The following MTUS2 variants were observed in gnomAD, a reference collection of about 807,000 sequenced individuals.
MTUS2 encodes microtubule-associated tumor suppressor candidate 2.
A neutral mutation model predicts 114.1 loss-of-function variants in MTUS2; 40 were observed. The observed-to-expected ratio is 0.35, with a 90% CI of 0.27 to 0.46. The LOEUF (loss-of-function observed/expected upper bound fraction) is 0.46, where lower values mean the gene tolerates loss of function less well. MTUS2 is among the 20% of genes least tolerant of loss of function. The pLI is 1.00. For missense variants in MTUS2, 1,679 were observed against 1,705.4 expected (o/e 0.98, Z 0.27); for synonymous variants, 688 against 672.0 (o/e 1.02, Z -0.37).
chr13:29,199,591 C>A (rs986261089), intron 5 of MTUS2, among the ~76,000 whole-genome samples: 1 of 152,080 alleles, frequency 6.6e-6, no homozygotes, highest in African/African-American at 2.4e-5. Context: ...GTTCAGTTTG[C>A]CAGTATTTTA....
At chr13:29,136,740 T>C (rs1197847381) in intron 5 of MTUS2, among the ~76,000 whole-genome samples, 1 of 152,182 alleles carries the variant, frequency 6.6e-6, no homozygotes, top group Non-Finnish European at 1.5e-5. Flanking sequence ...GCTATTCATA[T>C]GTATTTTTTG....
chr13:29,060,656 C>T (rs1267015285), intron 4 of MTUS2, among the ~76,000 whole-genome samples: 5 of 150,846 alleles, frequency 3.3e-5, no homozygotes, highest in Non-Finnish European at 7.4e-5. Context: ...TCTAATCCTC[C>T]AATTTCTGCC....
chr13:29,199,199 A>G (rs981110837), intron 5 of MTUS2, among the ~76,000 whole-genome samples: 3 of 152,102 alleles, frequency 2.0e-5, no homozygotes, highest in African/African-American at 7.2e-5. Flanking sequence ...ACTATACTAC[A>G]AGGCTGCAGT....
chr13:29,047,256 G>C (rs946142292), intron 4 of MTUS2, among the ~76,000 whole-genome samples: 1 of 152,148 alleles, frequency 6.6e-6, no homozygotes, highest in African/African-American at 2.4e-5. Context: ...TACCCATGCT[G>C]CAGGGTTATG....
At chr13:29,178,411 T>G (rs76278067) in intron 5 of MTUS2, among the ~76,000 whole-genome samples, 1 of 152,150 alleles carries the variant, frequency 6.6e-6, no homozygotes, top group Non-Finnish European at 1.5e-5. Context: ...CTCGGAGATA[T>G]TCTATGAATT....
chr13:28,905,538 TTA>T (rs1244297404), intron 2 of MTUS2, among the ~76,000 whole-genome samples: 5 of 149,110 alleles, frequency 3.4e-5, no homozygotes, highest in African/African-American at 1.2e-4. Context: ...TTGGTTCTGT[TTA>T]TATGCTGGAT....
intron 2 of MTUS2, among the ~76,000 whole-genome samples, chr13:28,852,483 GGGAGGC>G (rs1876342918): frequency 6.6e-6 from 1 of 152,164 alleles, no homozygotes; most frequent in Non-Finnish European, 1.5e-5. Context: ...TTTGTGAAAA[GGGAGGC>G]TAATGGTCTT....
intron 2 of MTUS2, among the ~76,000 whole-genome samples, chr13:28,991,167 T>A (rs1186775794): frequency 2.4e-4 from 37 of 152,194 alleles, no homozygotes; most frequent in Admixed American, 2.4e-3. Context: ...TTTAAGAATT[T>A]TTGCTCATTT....
intron 7 of MTUS2, among the ~76,000 whole-genome samples, chr13:29,338,862 A>C (rs1382322914): frequency 6.6e-6 from 1 of 152,210 alleles, no homozygotes; most frequent in East Asian, 1.9e-4. Flanking sequence ...GTGGGTGGGC[A>C]GGGGAAAGGT....
At chr13:29,244,577 G>A (rs572836007) in intron 5 of MTUS2, among the ~76,000 whole-genome samples, 56 of 152,242 alleles carry the variant, frequency 3.7e-4, no homozygotes, top group African/African-American at 1.2e-3. Context: ...CATGGTTGGC[G>A]CATGCTATTG....
intron 9 of MTUS2, among the ~76,000 whole-genome samples, chr13:29,467,155 G>A (rs1879948897): frequency 1.3e-5 from 2 of 152,066 alleles, no homozygotes; most frequent in Admixed American, 6.6e-5. Flanking sequence ...ATTGGGTCAC[G>A]GGAGTTCATT....
At chr13:29,409,906 A>G (rs1189170713) in intron 8 of MTUS2, among the ~76,000 whole-genome samples, 1 of 151,908 alleles carries the variant, frequency 6.6e-6, no homozygotes, top group Non-Finnish European at 1.5e-5. Context: ...ATATTTTGCA[A>G]TTACAAATGC....
At chr13:29,271,047 CTCT>C (rs1294569568) in intron 5 of MTUS2, among the ~76,000 whole-genome samples, 4 of 152,198 alleles carry the variant, frequency 2.6e-5, no homozygotes, top group Admixed American at 6.5e-5. Flanking sequence ...TAAAGATATC[CTCT>C]TCTTTATTTC....
At chr13:28,821,723 AC>A (rs1387024562) in intron 1 of MTUS2, among the ~76,000 whole-genome samples, 3 of 152,194 alleles carry the variant, frequency 2.0e-5, no homozygotes, top group African/African-American at 7.2e-5. Flanking sequence ...CAGGGGTGAG[AC>A]CCATTGTGGA....
At position 28,975,766 on chromosome 13, in the gene MTUS2, G is replaced by A. The variant is rs572003711; in HGVS notation, c.-242-48691G>A. Among the ~76,000 whole-genome samples the A allele has an allele frequency of 3.3e-5, 5 of 152,290 alleles. No individual in the cohort carries two copies. In the South Asian group the frequency reaches 1.0e-3, roughly 32 times the overall value. On this transcript the variant is annotated intron_variant, in intron 2 of 15. Transcript: ENST00000612955. ...TGAGGAAACTGAGGCACAGGAACAT[G>A]TTGATTATCTTTGCCTTTTTGAAAC... is the stretch of plus-strand genomic sequence containing the variant.
intron 5 of MTUS2, among the ~76,000 whole-genome samples, chr13:29,179,728 A>G (rs546537342): frequency 1.6e-4 from 25 of 152,362 alleles, no homozygotes; most frequent in Admixed American, 1.2e-3. Context: ...TTATTCTGGT[A>G]GGTACACTGT....
intron 2 of MTUS2, among the ~76,000 whole-genome samples, chr13:28,926,656 G>T (rs73437296): frequency 4.6e-5 from 7 of 152,060 alleles, no homozygotes; most frequent in African/African-American, 1.7e-4. Flanking sequence ...AAAAATAAAC[G>T]TACAGGCTTA....
At chr13:29,291,729 A>G (rs1179008442) in intron 6 of MTUS2, among the ~76,000 whole-genome samples, 1 of 152,184 alleles carries the variant, frequency 6.6e-6, no homozygotes, top group African/African-American at 2.4e-5. Context: ...TCCATGAGGG[A>G]GAGGCCTTCA....
At chr13:29,478,178 T>C (rs1203717467) in intron 9 of MTUS2, among the ~76,000 whole-genome samples, 1 of 152,206 alleles carries the variant, frequency 6.6e-6, no homozygotes, top group Non-Finnish European at 1.5e-5. Context: ...GGAGCCTCCT[T>C]TGGTGCAACT....
Sources: gnomAD v4.1 joint callset for allele counts (sites outside exome capture counted in the v4.1 genomes callset) on GRCh38, gnomAD v4.1.1 for gene constraint, MANE v1.5 for transcripts, NCBI Gene and HGNC (gene_info 2026-07-23, HGNC 2026-07-21) for gene names.